The following SPATA17 variants were observed in gnomAD, a reference collection of about 807,000 sequenced individuals.
SPATA17 encodes spermatogenesis associated 17, also known as spermatogenesis-associated protein 17.
A neutral mutation model predicts 62.2 loss-of-function variants in SPATA17; 53 were observed. The ratio of observed to expected loss-of-function variants is 0.85; its 90% CI spans 0.68 to 1.07. The LOEUF (loss-of-function observed/expected upper bound fraction) is 1.07, where lower values mean the gene tolerates loss of function less well. Ranked by LOEUF, SPATA17 falls within the 50% of genes least tolerant of loss-of-function variation. The pLI, the probability that SPATA17 is intolerant of heterozygous loss-of-function variation, is 0.00. For synonymous variants in SPATA17, 146 were observed against 146.8 expected, an observed-to-expected ratio of 0.99 and a Z score of 0.04; for missense variants, 466 against 425.5, an observed-to-expected ratio of 1.10 and a Z score of -0.84.
intron 7 of SPATA17, 106 bp from the exon 8 acceptor site, chr1:217,782,068 A>G: frequency 1.8e-6 from 2 of 1,104,522 alleles, no homozygotes; most frequent in East Asian, 5.5e-5. Context: ...TTTAAAAATA[A>G]CTTAGTAAAC....
chr1:217,712,998 A>G (rs1671914635), intron 5 of SPATA17, among the ~76,000 whole-genome samples: 1 of 152,170 alleles, frequency 6.6e-6, no homozygotes, highest in South Asian at 2.1e-4. Context: ...GTTTGGCACC[A>G]CTGGAGACAG....
At chr1:217,850,404 A>T in intron 9 of SPATA17, 1 of 1,155,236 alleles carries the variant, frequency 8.7e-7, no homozygotes, top group Non-Finnish European at 1.3e-6. Flanking sequence ...TGAAGAACTA[A>T]CAGCCACATC....
chr1:217,851,689 A>C (rs1675669834), intron 9 of SPATA17, among the ~76,000 whole-genome samples: 1 of 152,218 alleles, frequency 6.6e-6, no homozygotes, highest in Non-Finnish European at 1.5e-5. Flanking sequence ...TTTATACCAC[A>C]CAGTATCAAA....
intron 5 of SPATA17, among the ~76,000 whole-genome samples, chr1:217,699,058 C>T (rs1229602577): frequency 6.6e-6 from 1 of 152,034 alleles, no homozygotes; most frequent in Non-Finnish European, 1.5e-5. Context: ...TTGATATTTC[C>T]TTTTGATTGC....
Position 217,662,117 on chromosome 1 carries a change from A to G in SPATA17, c.241-6916A>G, listed in dbSNP as rs181626938. On this transcript the variant is annotated intron_variant, in intron 3 of 10. Coordinates refer to ENST00000366933, the MANE Select transcript of SPATA17 (RefSeq NM_138796.4). Reference sequence around the variant, plus strand: ...GTAAAAACTAAATTGGATGGCTTGTATACATTTTGTTATATTTTTAAATTT... The same window carrying G: ...GTAAAAACTAAATTGGATGGCTTGTGTACATTTTGTTATATTTTTAAATTT... Among the ~76,000 whole-genome samples the G allele has an allele frequency of 4.0e-4, 61 of 152,316 alleles. No homozygotes were observed. The East Asian group carries it at 0.011, about 27-fold the overall frequency.
intron 6 of SPATA17, among the ~76,000 whole-genome samples, chr1:217,771,936 T>A (rs1376810675): frequency 6.6e-6 from 1 of 152,190 alleles, no homozygotes; most frequent in East Asian, 1.9e-4. Context: ...TAAATTTTAA[T>A]CTAGCTAAAT....
intron 6 of SPATA17, among the ~76,000 whole-genome samples, chr1:217,742,636 C>T (rs1289131205): frequency 6.6e-6 from 1 of 152,064 alleles, no homozygotes; most frequent in African/African-American, 2.4e-5. Context: ...ACAATGCTTG[C>T]TAAAATGTCA....
chr1:217,702,887 CT>C (rs879803658), intron 5 of SPATA17, among the ~76,000 whole-genome samples: 101 of 145,504 alleles, frequency 6.9e-4, no homozygotes, highest in Middle Eastern at 3.5e-3. Flanking sequence ...TATTTCATTA[CT>C]TTTTTTTTTT....
At chr1:217,650,416 C>G (rs1447187939) in intron 2 of SPATA17, among the ~76,000 whole-genome samples, 1 of 151,912 alleles carries the variant, frequency 6.6e-6, no homozygotes, top group Non-Finnish European at 1.5e-5. Context: ...CTCTTTCTCT[C>G]TTTCTCTCTC....
At chr1:217,740,993 AC>A (rs1220724026) in intron 5 of SPATA17, among the ~76,000 whole-genome samples, 1 of 152,220 alleles carries the variant, frequency 6.6e-6, no homozygotes, top group Non-Finnish European at 1.5e-5. Flanking sequence ...GAAAATTGCA[AC>A]AAAAATATTT....
chr1:217,737,159 G>A (rs1175477316), intron 5 of SPATA17, among the ~76,000 whole-genome samples: 3 of 152,202 alleles, frequency 2.0e-5, no homozygotes, highest in African/African-American at 4.8e-5. Context: ...CTTTCTGGAT[G>A]TAGGAGTTTG....
chr1:217,830,971 G>A (rs1675126708), intron 9 of SPATA17, among the ~76,000 whole-genome samples: 1 of 152,082 alleles, frequency 6.6e-6, no homozygotes, highest in African/African-American at 2.4e-5. Flanking sequence ...AAAATAGTTT[G>A]CACTATTGGT....
chr1:217,793,753 T>C (rs1674064928), intron 8 of SPATA17, among the ~76,000 whole-genome samples: 1 of 152,064 alleles, frequency 6.6e-6, no homozygotes, highest in African/African-American at 2.4e-5. Context: ...CAGGAGCGAT[T>C]GTGCAAATAA....
Position 217,683,720 on chromosome 1 carries a change from G to A in SPATA17, c.395+359G>A, listed in dbSNP as rs111528935. On this transcript the variant is annotated intron_variant, in intron 5 of 10. Coordinates refer to ENST00000366933, the MANE Select transcript of SPATA17 (RefSeq NM_138796.4). ...CTCCCAAAGTGCTTGGATCACAGGC[G>A]TGAGCCACTGCACCCGGCTAAAAAT... 8.7e-3 allele frequency among the ~76,000 whole-genome samples: 1,328 copies of A among 152,174 alleles called. 22 individuals are homozygous for A. Among genetic ancestry groups the A allele is most frequent in the African/African-American group, 0.03 (1,244 of 41,528 alleles).
At chr1:217,771,712 G>T (rs1394473538) in intron 6 of SPATA17, among the ~76,000 whole-genome samples, 1 of 152,038 alleles carries the variant, frequency 6.6e-6, no homozygotes, top group African/African-American at 2.4e-5. Flanking sequence ...ATCTATATTT[G>T]ATTTAAATTG....
chr1:217,738,664 G>A (rs1163571125), intron 5 of SPATA17, among the ~76,000 whole-genome samples: 1 of 152,044 alleles, frequency 6.6e-6, no homozygotes, highest in Non-Finnish European at 1.5e-5. Context: ...GAGAGTCTAT[G>A]CTCTTGGCCG....
intron 8 of SPATA17, among the ~76,000 whole-genome samples, chr1:217,798,944 G>A (rs1030879261): frequency 6.7e-6 from 1 of 148,724 alleles, no homozygotes; most frequent in Non-Finnish European, 1.5e-5. Flanking sequence ...GGCTCGATCT[G>A]TAAGCATAAG....
chr1:217,858,844 A>G (rs185503481), intron 9 of SPATA17, among the ~76,000 whole-genome samples: 5 of 152,084 alleles, frequency 3.3e-5, no homozygotes, highest in African/African-American at 1.2e-4. Context: ...CCTGGCCAAT[A>G]TGGTGAAACC....
At chr1:217,632,832 A>C (rs910206948) in intron 1 of SPATA17, among the ~76,000 whole-genome samples, 1 of 152,236 alleles carries the variant, frequency 6.6e-6, no homozygotes, top group Non-Finnish European at 1.5e-5. Context: ...TATTTATGAC[A>C]TATATAAATG....
Sources: gnomAD v4.1 joint callset for allele counts (sites outside exome capture counted in the v4.1 genomes callset) on GRCh38, gnomAD v4.1.1 for gene constraint, MANE v1.5 for transcripts, NCBI Gene and HGNC (gene_info 2026-07-23, HGNC 2026-07-21) for gene names.